Variants in RTF1 observed in about 807,000 individuals in gnomAD.
RTF1 encodes RNA polymerase-associated protein RTF1 homolog.
In RTF1, 10 loss-of-function variants were observed where a neutral mutation model predicts 95.7. The observed-to-expected ratio is 0.10, with a 90% confidence interval of 0.06 to 0.18. The LOEUF (loss-of-function observed/expected upper bound fraction) is 0.18. Among genes scored for constraint, RTF1 ranks in the 10% least tolerant of loss-of-function variants. RTF1 has a pLI of 1.00. For synonymous variants in RTF1, 305 were observed against 311.8 expected (o/e 0.98, Z 0.23); for missense variants, 458 against 875.6 (o/e 0.52, Z 6.02).
intron 2 of RTF1, among the ~76,000 whole-genome samples, chr15:41,443,790 G>T (rs922513560): frequency 6.6e-6 from 1 of 151,942 alleles, no homozygotes; most frequent in Non-Finnish European, 1.5e-5. Flanking sequence ...AAATTGGGCC[G>T]GGTGCAGTGG....
chr15:41,455,532 T>A (rs574389639), intron 3 of RTF1, among the ~76,000 whole-genome samples: 1 of 152,064 alleles, frequency 6.6e-6, no homozygotes, highest in East Asian at 1.9e-4. Flanking sequence ...GGGCCAGGTG[T>A]AGTGGCTCAC....
intron 1 of RTF1, among the ~76,000 whole-genome samples, chr15:41,418,594 T>C (rs2050583617): frequency 6.6e-6 from 1 of 152,050 alleles, no homozygotes; most frequent in Non-Finnish European, 1.5e-5. Flanking sequence ...AAGGCTCATC[T>C]GAGGTCGGGA....
chr15:41,454,616 G>GA (rs923773260), intron 3 of RTF1, among the ~76,000 whole-genome samples: 1 of 152,070 alleles, frequency 6.6e-6, no homozygotes, highest in Non-Finnish European at 1.5e-5. Context: ...TTTACAAAGG[G>GA]AAAATCTGGG....
intron 1 of RTF1, among the ~76,000 whole-genome samples, chr15:41,428,133 T>G (rs536474112): frequency 6.6e-6 from 1 of 151,826 alleles, no homozygotes; most frequent in South Asian, 2.1e-4. Context: ...GGTCTCACTG[T>G]GTCACCCAAG....
intron 4 of RTF1, among the ~76,000 whole-genome samples, chr15:41,464,149 CTGTT>C (rs1289366273): frequency 8.0e-5 from 12 of 150,716 alleles, no homozygotes; most frequent in South Asian, 2.1e-4. Flanking sequence ...TGCACCGGGC[CTGTT>C]TGTTTGTTTG....
chr15:41,468,425 C>G (rs1393647014), intron 6 of RTF1, among the ~76,000 whole-genome samples: 1 of 151,956 alleles, frequency 6.6e-6, no homozygotes, highest in East Asian at 1.9e-4. Context: ...TCACACCATT[C>G]TCCTGCCTCA....
intron 4 of RTF1, among the ~76,000 whole-genome samples, chr15:41,461,230 A>T (rs928223294): frequency 6.6e-6 from 1 of 151,322 alleles, no homozygotes; most frequent in African/African-American, 2.4e-5. Flanking sequence ...TTTAGCAGGG[A>T]CGGGGTTTCA....
At chr15:41,454,605 C>T (rs1413308605) in intron 3 of RTF1, among the ~76,000 whole-genome samples, 1 of 152,066 alleles carries the variant, frequency 6.6e-6, no homozygotes, top group Non-Finnish European at 1.5e-5. Flanking sequence ...GAAAAGGTGC[C>T]TTTACAAAGG....
At chr15:41,421,443 T>C (rs2050600201) in intron 1 of RTF1, among the ~76,000 whole-genome samples, 1 of 141,744 alleles carries the variant, frequency 7.1e-6, no homozygotes, top group Non-Finnish European at 1.5e-5. Flanking sequence ...GAAACAAGAG[T>C]GAAACTCTGT....
At chr15:41,468,959 C>T (rs1019550305) in intron 6 of RTF1, among the ~76,000 whole-genome samples, 4 of 152,106 alleles carry the variant, frequency 2.6e-5, no homozygotes, top group African/African-American at 9.6e-5. Context: ...TCCTTCCTTC[C>T]ATCCATCTTT....
intron 4 of RTF1, among the ~76,000 whole-genome samples, chr15:41,461,042 AT>A (rs879628124): frequency 0.011 from 1,332 of 124,826 alleles, 7 homozygotes; most frequent in Non-Finnish European, 0.016. Context: ...TGTCAAGCTA[AT>A]TTTTTTTTTT....
intron 1 of RTF1, among the ~76,000 whole-genome samples, chr15:41,431,945 G>A (rs1334994825): frequency 1.3e-5 from 2 of 151,850 alleles, no homozygotes; most frequent in Non-Finnish European, 2.9e-5. Context: ...GACTACAGGT[G>A]CACGCCCCCA....
At chr15:41,455,009 G>T (rs1424821152) in intron 3 of RTF1, among the ~76,000 whole-genome samples, 1 of 152,078 alleles carries the variant, frequency 6.6e-6, no homozygotes, top group African/African-American at 2.4e-5. Flanking sequence ...CCAACAAGTG[G>T]ATAAAGAAAA....
chr15:41,468,090 C>G (rs941963487), intron 6 of RTF1, among the ~76,000 whole-genome samples: 1 of 151,944 alleles, frequency 6.6e-6, no homozygotes, highest in African/African-American at 2.4e-5. Flanking sequence ...CACTTGAACC[C>G]GGGAGGTGGA....
intron 8 of RTF1, 130 bp downstream of exon 8, chr15:41,471,479 TC>T: frequency 1.0e-6 from 1 of 966,450 alleles, no homozygotes. Flanking sequence ...CCAAGTGGGA[TC>T]CCCATAGAGC....
At chr15:41,443,613 A>T (rs1472413601) in intron 2 of RTF1, among the ~76,000 whole-genome samples, 1 of 149,208 alleles carries the variant, frequency 6.7e-6, no homozygotes, top group Non-Finnish European at 1.5e-5. Flanking sequence ...AAAAAAAAAA[A>T]CGGCCAGCAG....
intron 1 of RTF1, among the ~76,000 whole-genome samples, chr15:41,428,906 T>C (rs964740695): frequency 2.0e-5 from 3 of 152,010 alleles, no homozygotes; most frequent in African/African-American, 7.3e-5. Context: ...CTGCCTACTT[T>C]TTGTATTTTT....
chr15:41,454,972 G>T (rs1411162692), intron 3 of RTF1, among the ~76,000 whole-genome samples: 1 of 152,168 alleles, frequency 6.6e-6, no homozygotes, highest in East Asian at 1.9e-4. Context: ...ATTTTTTGGG[G>T]CTTATACTCT....
chr15:41,475,376 A>ATT, intron 9 of RTF1, 149 bp from the exon 10 acceptor site: 1 of 648,632 alleles, frequency 1.5e-6, no homozygotes, highest in Non-Finnish European at 2.6e-6. Context: ...CAGCTCATTA[A>ATT]AACAGCCTGG....
Sources: gnomAD v4.1 joint callset for allele counts (sites outside exome capture counted in the v4.1 genomes callset) on GRCh38, gnomAD v4.1.1 for gene constraint, MANE v1.5 for transcripts, NCBI Gene and HGNC (gene_info 2026-07-23, HGNC 2026-07-21) for gene names.